Variants in TIAM1 observed in about 807,000 individuals in gnomAD.
TIAM1 encodes rho guanine nucleotide exchange factor TIAM1.
A neutral mutation model predicts 163.5 loss-of-function variants in TIAM1; 65 were observed. The ratio of observed to expected loss-of-function variants is 0.40; its 90% confidence interval spans 0.33 to 0.49. The LOEUF is 0.49. TIAM1 is among the 20% of genes least tolerant of loss of function. The pLI, the probability that TIAM1 is intolerant of heterozygous loss-of-function variation, is 0.77. For synonymous variants in TIAM1, 833 were observed against 810.1 expected (o/e 1.03, Z -0.48); for missense variants, 1,789 against 2,044.7 (o/e 0.87, Z 2.41).
At position 31,146,666 on chromosome 21, in the gene TIAM1, G is replaced by A. The variant is rs145487923; in HGVS notation, c.3475+229C>T. 2.3e-3 allele frequency among the ~76,000 whole-genome samples: 347 copies of A among 148,734 alleles called. 1 individual carries two copies. The highest frequency in any genetic ancestry group is 3.4e-3 in the Non-Finnish European group (227 of 67,674). On this transcript the variant is annotated intron_variant, in intron 20 of 27. Transcript: ENST00000541036. Reference sequence around the variant, plus strand: ...GCAGAGGTCGCAGTGAGCCAAGATCGTGCCACTGCACTCCAGCCTGGGCAA... The same window carrying A: ...GCAGAGGTCGCAGTGAGCCAAGATCATGCCACTGCACTCCAGCCTGGGCAA...
intron 26 of TIAM1, among the ~76,000 whole-genome samples, chr21:31,126,238 C>T (rs1393891939): frequency 6.6e-6 from 1 of 152,052 alleles, no homozygotes; most frequent in Non-Finnish European, 1.5e-5. Flanking sequence ...GTGTGAGGTA[C>T]TGGGTAATTA....
chr21:31,171,030 C>A (rs2084483525), intron 15 of TIAM1, among the ~76,000 whole-genome samples: 1 of 92,896 alleles, frequency 1.1e-5, no homozygotes, highest in Non-Finnish European at 1.8e-5. Flanking sequence ...AGTGAGACTC[C>A]ATCTCAAAAA....
intron 15 of TIAM1, among the ~76,000 whole-genome samples, chr21:31,178,303 CTTTTTTT>C (rs10671534): frequency 2.1e-5 from 2 of 96,096 alleles, no homozygotes; most frequent in East Asian, 7.4e-4. Context: ...TTCAGGAATT[CTTTTTTT>C]TTTTTTTTTT....
rs17551963 is a variant in TIAM1 at position 31,137,271 on chromosome 21, C to T, written c.3775-1230G>A. 9.0e-3 allele frequency among the ~76,000 whole-genome samples: 1,374 copies of T among 152,364 alleles called. 13 individuals are homozygous for T. The highest frequency in any genetic ancestry group is 0.061 in the Middle Eastern group (18 of 294). On this transcript the variant is annotated intron_variant, in intron 22 of 27. Coordinates refer to ENST00000541036, the MANE Select transcript of TIAM1 (RefSeq NM_001353694.2). ...GTGCTGAGATGTGGCTCCAGCAGTA[C>T]AGGATACAGAGGTATTGTTGCCTCC...
At chr21:31,421,443 G>A (rs1222102112) in intron 2 of TIAM1, among the ~76,000 whole-genome samples, 1 of 152,194 alleles carries the variant, frequency 6.6e-6, no homozygotes, top group Non-Finnish European at 1.5e-5. Context: ...GTGGGCAAGC[G>A]GGTGAGCATT....
chr21:31,523,849 T>C (rs1272514638), intron 1 of TIAM1, among the ~76,000 whole-genome samples: 1 of 145,886 alleles, frequency 6.9e-6, no homozygotes, highest in African/African-American at 2.5e-5. Context: ...ACCCGGGAGG[T>C]GGAGGTTGCA....
chr21:31,176,459 G>C (rs914263734), intron 15 of TIAM1, among the ~76,000 whole-genome samples: 7 of 151,520 alleles, frequency 4.6e-5, no homozygotes, highest in Non-Finnish European at 8.8e-5. Context: ...GCTCCAGTAA[G>C]ACTGCAACCA....
At chr21:31,290,938 G>A (rs1220548937) in intron 2 of TIAM1, among the ~76,000 whole-genome samples, 1 of 152,172 alleles carries the variant, frequency 6.6e-6, no homozygotes, top group Non-Finnish European at 1.5e-5. Context: ...AAATCATCTG[G>A]TGATAGCACT....
chr21:31,524,534 T>C (rs1328938463), intron 1 of TIAM1, among the ~76,000 whole-genome samples: 1 of 152,194 alleles, frequency 6.6e-6, no homozygotes, highest in Non-Finnish European at 1.5e-5. Context: ...CAAAAGTATA[T>C]TCTCTTGCTA....
At chr21:31,514,227 C>A (rs1042547995) in intron 1 of TIAM1, among the ~76,000 whole-genome samples, 1 of 151,944 alleles carries the variant, frequency 6.6e-6, no homozygotes, top group Non-Finnish European at 1.5e-5. Context: ...ATAATGCAAA[C>A]CCAAGATTAA....
intron 1 of TIAM1, among the ~76,000 whole-genome samples, chr21:31,481,180 C>T (rs144067932): frequency 6.6e-6 from 1 of 152,324 alleles, no homozygotes; most frequent in East Asian, 1.9e-4. Flanking sequence ...TGTGTCCTCA[C>T]ATGGCCTTTC....
At chr21:31,232,097 A>T (rs1199163287) in intron 6 of TIAM1, among the ~76,000 whole-genome samples, 2 of 152,170 alleles carry the variant, frequency 1.3e-5, no homozygotes, top group African/African-American at 4.8e-5. Flanking sequence ...CTGTCCACTT[A>T]AAAATGCCTA....
intron 2 of TIAM1, among the ~76,000 whole-genome samples, chr21:31,291,092 C>T (rs1405949041): frequency 6.6e-6 from 1 of 152,114 alleles, no homozygotes; most frequent in Non-Finnish European, 1.5e-5. Context: ...CCACCCACCA[C>T]AAGTCAAGAC....
intron 6 of TIAM1, among the ~76,000 whole-genome samples, chr21:31,237,146 G>A: frequency 6.6e-6 from 1 of 152,186 alleles, no homozygotes; most frequent in East Asian, 1.9e-4. Context: ...GCTGCCCAGT[G>A]GGCAGGCTCA....
At chr21:31,433,905 C>T (rs1382393945) in intron 2 of TIAM1, among the ~76,000 whole-genome samples, 1 of 152,084 alleles carries the variant, frequency 6.6e-6, no homozygotes, top group African/African-American at 2.4e-5. Context: ...TCCAGCGATC[C>T]TCGCACCTCA....
intron 2 of TIAM1, among the ~76,000 whole-genome samples, chr21:31,440,678 C>T (rs1443204137): frequency 1.3e-5 from 2 of 152,064 alleles, no homozygotes; most frequent in African/African-American, 2.4e-5. Flanking sequence ...GTCAGAGCAT[C>T]GAGACCATCC....
chr21:31,251,085 G>T (rs576085526), intron 5 of TIAM1, among the ~76,000 whole-genome samples: 1 of 152,212 alleles, frequency 6.6e-6, no homozygotes, highest in African/African-American at 2.4e-5. Context: ...CAATTTCATA[G>T]AATTCAAGCT....
chr21:31,370,696 T>C (rs1382519759), intron 2 of TIAM1, among the ~76,000 whole-genome samples: 1 of 152,216 alleles, frequency 6.6e-6, no homozygotes, highest in South Asian at 2.1e-4. Context: ...GCCCAGACTA[T>C]ACCTCTGGGT....
intron 5 of TIAM1, among the ~76,000 whole-genome samples, chr21:31,247,189 C>T (rs981716863): frequency 6.6e-6 from 1 of 151,746 alleles, no homozygotes; most frequent in Non-Finnish European, 1.5e-5. Context: ...GACATGCCTG[C>T]GGTTCCAGCG....
Sources: allele counts gnomAD v4.1 joint callset (sites outside exome capture counted in the v4.1 genomes callset), GRCh38; gene constraint gnomAD v4.1.1; transcripts MANE v1.5; gene names NCBI Gene and HGNC (gene_info 2026-07-23, HGNC 2026-07-21).